YBX3: variants seen among roughly 807,000 people sequenced by gnomAD.
The protein encoded by YBX3 is Y-box-binding protein 3.
A neutral mutation model predicts 42.4 loss-of-function variants in YBX3; 29 were observed. The ratio of observed to expected loss-of-function variants is 0.68; its 90% CI spans 0.51 to 0.93. The LOEUF (loss-of-function observed/expected upper bound fraction) is 0.93. Among genes scored for constraint, YBX3 ranks in the 40% least tolerant of loss-of-function variants. YBX3 has a pLI of 0.00. For missense variants in YBX3, 517 were observed against 527.5 expected (o/e 0.98, Z 0.19); for synonymous variants, 195 against 189.8 (o/e 1.03, Z -0.22).
At chr12:10,704,235 G>A in intron 6 of YBX3, 87 bp from the exon 7 acceptor site, 2 of 1,141,396 alleles carry the variant, frequency 1.8e-6, no homozygotes, top group Non-Finnish European at 1.3e-6. Flanking sequence ...ATTTTTTTTA[G>A]AAGTAAAAAA....
chr12:10,707,403 C>T (rs997146885), intron 6 of YBX3, among the ~76,000 whole-genome samples: 1 of 152,186 alleles, frequency 6.6e-6, no homozygotes, highest in African/African-American at 2.4e-5. Flanking sequence ...ATTATTTACT[C>T]CTCATACAAT....
chr12:10,713,369 A>C, intron 4 of YBX3, 36 bp from the exon 5 acceptor site: 1 of 1,607,020 alleles, frequency 6.2e-7, no homozygotes, highest in Non-Finnish European at 8.5e-7. Context: ...TCAAAATTAA[A>C]AAGAATATAC....
At chr12:10,709,757 A>C (rs771924859) in intron 6 of YBX3, 151 bp downstream of exon 6, 22 of 960,946 alleles carry the variant, frequency 2.3e-5, no homozygotes, top group Non-Finnish European at 3.3e-5. Context: ...CTTTGAAAAA[A>C]CAGACTGAAG....
intron 6 of YBX3, chr12:10,704,380 T>G (rs1166314256): frequency 2.6e-5 from 10 of 378,790 alleles, no homozygotes; most frequent in African/African-American, 4.1e-5. Flanking sequence ...CCAGAGCACC[T>G]AACTTTATTT....
chr12:10,709,854 G>A, intron 6 of YBX3, 54 bp downstream of exon 6: 4 of 1,599,220 alleles, frequency 2.5e-6, no homozygotes, highest in Non-Finnish European at 3.4e-6. Context: ...AGAGGAGGCA[G>A]AGAAGGACGG....
rs148240372 is a variant in YBX3 at position 10,716,843 on chromosome 12, G to A, written c.361-1060C>T. 1.9e-4 allele frequency among the ~76,000 whole-genome samples: 29 copies of A among 152,136 alleles called. No homozygotes were observed. In the East Asian group the frequency reaches 5.0e-3, roughly 26 times the overall value. On this transcript the variant is annotated intron_variant, in intron 3 of 9. Transcript: ENST00000228251. ...AAAAACAGCCCCTCCCTGCCGGCTC[G>A]CTCCCTTTTTCCTGTTAAACTGGGC...
chr12:10,700,298 C>G lies in YBX3; in HGVS notation c.*35-644G>C, dbSNP rs538448494. 3.9e-5 allele frequency among the ~76,000 whole-genome samples: 6 copies of G among 152,148 alleles called. No individual in the cohort carries two copies. In the South Asian group the frequency reaches 1.2e-3, roughly 32 times the overall value. ...TATAAAAGCAGATGGCCTTAAGACA[C>G]AAGAACTTATAATAATCCCAAAACT... is the stretch of plus-strand genomic sequence containing the variant. On this transcript the variant is annotated intron_variant, in intron 9 of 9. Coordinates refer to ENST00000228251, the MANE Select transcript of YBX3 (RefSeq NM_003651.5).
intron 1 of YBX3, 56 bp downstream of exon 1, chr12:10,722,794 C>T: frequency 3.7e-6 from 5 of 1,339,816 alleles, no homozygotes; most frequent in Non-Finnish European, 2.9e-6. Context: ...ACGTGCTCCG[C>T]GGCCGGCTGG....
intron 3 of YBX3, among the ~76,000 whole-genome samples, chr12:10,717,240 AC>A (rs1948272994): frequency 6.6e-6 from 1 of 152,280 alleles, no homozygotes; most frequent in African/African-American, 2.4e-5. Context: ...AAACAAAAAC[AC>A]AGAAAATCAG....
chr12:10,707,220 C>T (rs1948148594), intron 6 of YBX3, among the ~76,000 whole-genome samples: 1 of 152,088 alleles, frequency 6.6e-6, no homozygotes, highest in Non-Finnish European at 1.5e-5. Context: ...ACCTTCCATC[C>T]TCCAGCCACT....
At chr12:10,705,808 T>C (rs1342095025) in intron 6 of YBX3, among the ~76,000 whole-genome samples, 2 of 152,228 alleles carry the variant, frequency 1.3e-5, no homozygotes, top group Non-Finnish European at 2.9e-5. Context: ...TGTAATCTGT[T>C]ACTATCATTA....
chr12:10,701,670 T>A (rs769687450), intron 8 of YBX3, among the ~76,000 whole-genome samples: 13 of 152,332 alleles, frequency 8.5e-5, no homozygotes, highest in Admixed American at 3.9e-4. Flanking sequence ...TTTCAACTCA[T>A]GCTTAGAGGC....
intron 6 of YBX3, among the ~76,000 whole-genome samples, chr12:10,705,386 T>C (rs761669951): frequency 1.3e-5 from 2 of 152,060 alleles, no homozygotes; most frequent in Non-Finnish European, 2.9e-5. Context: ...AGCCACCACG[T>C]TGGTTTTCAT....
intron 1 of YBX3, among the ~76,000 whole-genome samples, chr12:10,721,169 GACAA>G (rs1436164579): frequency 6.6e-6 from 1 of 152,192 alleles, no homozygotes; most frequent in African/African-American, 2.4e-5. Flanking sequence ...ACTAGACAGA[GACAA>G]ACAGTGTTGA....
At chr12:10,711,649 A>C (rs1948201497) in intron 5 of YBX3, 1 of 152,254 alleles carries the variant, frequency 6.6e-6, no homozygotes, top group African/African-American at 2.4e-5. Context: ...AGCAATGCTG[A>C]ACACACTCTT....
At chr12:10,703,905 C>T (rs952135744) in intron 7 of YBX3, 146 bp downstream of exon 7, 1 of 674,752 alleles carries the variant, frequency 1.5e-6, no homozygotes, top group Non-Finnish European at 2.5e-6. Context: ...AAATGTCACA[C>T]CACCACCTGA....
At chr12:10,703,538 A>G in intron 7 of YBX3, 2 of 434,488 alleles carry the variant, frequency 4.6e-6, no homozygotes, top group Non-Finnish European at 9.2e-6. Context: ...ATCCCCAACT[A>G]TAGAATATCT....
At chr12:10,715,855 A>G (rs763747253) in intron 3 of YBX3, 72 bp from the exon 4 acceptor site, 25 of 1,259,994 alleles carry the variant, frequency 2.0e-5, no homozygotes, top group Non-Finnish European at 2.8e-5. Flanking sequence ...GCTTTCAAGT[A>G]CACCAGAGTG....
intron 3 of YBX3, 72 bp from the exon 4 acceptor site, chr12:10,715,855 A>T: frequency 3.2e-6 from 4 of 1,260,062 alleles, no homozygotes; most frequent in African/African-American, 1.5e-5. Context: ...GCTTTCAAGT[A>T]CACCAGAGTG....
Sources: gnomAD v4.1 joint callset for allele counts (sites outside exome capture counted in the v4.1 genomes callset) on GRCh38, gnomAD v4.1.1 for gene constraint, MANE v1.5 for transcripts, NCBI Gene and HGNC (gene_info 2026-07-23, HGNC 2026-07-21) for gene names.